PPEF1: variants seen among roughly 807,000 people sequenced by gnomAD.
PPEF1 encodes protein phosphatase with EF-hand domain 1.
In PPEF1, 12 loss-of-function variants were observed where a neutral mutation model predicts 53.3. The ratio of observed to expected loss-of-function variants is 0.23; its 90% CI spans 0.14 to 0.36. PPEF1 has a LOEUF of 0.36. Among genes scored for constraint, PPEF1 ranks in the 10% least tolerant of loss-of-function variants. PPEF1 has a pLI of 1.00. For synonymous variants in PPEF1, 165 were observed against 176.7 expected, an observed-to-expected ratio of 0.93 and a Z score of 0.52; for missense variants, 334 against 490.4, an observed-to-expected ratio of 0.68 and a Z score of 3.01.
chrX:18,787,483 A>C lies in PPEF1; in HGVS notation c.913-1638A>C, dbSNP rs191827715. On this transcript the variant is annotated intron_variant, in intron 9 of 15. Coordinates refer to ENST00000470157, the MANE Select transcript of PPEF1 (RefSeq NM_001377996.1). ...GCAAGGCATTTGCAGAAAGATGGCT[A>C]CTAGACTCCCTGGGGGAAAATGGTC... 2.7e-5 allele frequency among the ~76,000 whole-genome samples: 3 copies of C among 111,585 alleles called. No homozygotes were observed. In the East Asian group the frequency reaches 8.5e-4, roughly 32 times the overall value.
intron 8 of PPEF1, 79 bp from the exon 9 acceptor site, chrX:18,783,820 C>T (rs1201489095): frequency 3.0e-6 from 3 of 989,449 alleles, no homozygotes; most frequent in Non-Finnish European, 4.1e-6. Context: ...AAAATCATTA[C>T]TTTTTGTCCA....
intron 1 of PPEF1, among the ~76,000 whole-genome samples, chrX:18,710,033 T>G (rs867038542): frequency 2.7e-5 from 3 of 111,992 alleles, no homozygotes; most frequent in South Asian, 7.5e-4. Context: ...GTCTGTCCTT[T>G]TGATTTTAGT....
intron 1 of PPEF1, among the ~76,000 whole-genome samples, chrX:18,724,262 C>T (rs998859690): frequency 3.6e-5 from 4 of 111,673 alleles, no homozygotes; most frequent in Admixed American, 9.5e-5. Context: ...AAAATAGGGA[C>T]AGTCACACTT....
chrX:18,719,372 G>A (rs181024713), intron 1 of PPEF1, among the ~76,000 whole-genome samples: 107 of 104,064 alleles, frequency 1.0e-3, no homozygotes, highest in African/African-American at 3.5e-3. Context: ...TTTGACACAG[G>A]GTCTCACTCT....
chrX:18,788,052 C>T lies in PPEF1; in HGVS notation c.913-1069C>T, dbSNP rs779891823. 6.6e-3 allele frequency among the ~76,000 whole-genome samples: 738 copies of T among 111,993 alleles called. 4 individuals are homozygous for T. Among genetic ancestry groups the T allele is most frequent in the African/African-American group, 0.023 (699 of 30,877 alleles). On this transcript the variant is annotated intron_variant, in intron 9 of 15. Coordinates refer to ENST00000470157, the MANE Select transcript of PPEF1 (RefSeq NM_001377996.1). The stretch of plus-strand genomic sequence containing the variant: ...AAGTGCTTGGCCGGGTGCAGTGGCT[C>T]ACGCCTGTAATCCGAGCACTTTGGG...
Position 18,785,435 on chromosome X carries a change from T to C in PPEF1, c.912+1387T>C, listed in dbSNP as rs764517360. ...AAGCAGGGTAAACCTAAGACAAAACTGAATAGAAAGTTTTTTACAGCCCTC... is the reference window on the plus strand; with the variant it reads ...AAGCAGGGTAAACCTAAGACAAAACCGAATAGAAAGTTTTTTACAGCCCTC... On this transcript the variant is annotated intron_variant, in intron 9 of 15. Coordinates refer to ENST00000470157, the MANE Select transcript of PPEF1 (RefSeq NM_001377996.1). 1.4e-3 allele frequency among the ~76,000 whole-genome samples: 156 copies of C among 111,414 alleles called. 1 individual carries two copies. The highest frequency in any genetic ancestry group is 1.6e-3 in the Non-Finnish European group (86 of 53,025).
intron 1 of PPEF1, among the ~76,000 whole-genome samples, chrX:18,719,046 T>C (rs1252773146): frequency 1.7e-4 from 19 of 112,369 alleles, no homozygotes; most frequent in African/African-American, 5.8e-4. Context: ...AATTATTGAA[T>C]AGAACACATT....
chrX:18,685,170 A>G (rs1417646550), intron 2 of PPEF1, among the ~76,000 whole-genome samples: 1 of 112,387 alleles, frequency 8.9e-6, no homozygotes, highest in Non-Finnish European at 1.9e-5. Context: ...AGCTTTCTGC[A>G]CAGTCTGAGG....
intron 12 of PPEF1, among the ~76,000 whole-genome samples, chrX:18,815,222 C>G (rs1034243563): frequency 1.8e-5 from 2 of 111,508 alleles, no homozygotes; most frequent in African/African-American, 6.5e-5. Context: ...GTGTATAATC[C>G]TTTTTATATG....
chrX:18,745,009 T>A (rs1233992864), intron 3 of PPEF1, among the ~76,000 whole-genome samples: 2 of 100,895 alleles, frequency 2.0e-5, no homozygotes, highest in African/African-American at 3.6e-5. Context: ...CTATATTTTA[T>A]ACATATAAAA....
intron 6 of PPEF1, among the ~76,000 whole-genome samples, chrX:18,775,730 A>G: frequency 9.0e-6 from 1 of 111,662 alleles, no homozygotes; most frequent in Admixed American, 9.5e-5. Flanking sequence ...CTTAGGTACT[A>G]GCTTATTTCC....
At chrX:18,744,958 A>T (rs1254992596) in intron 3 of PPEF1, among the ~76,000 whole-genome samples, 1 of 104,513 alleles carries the variant, frequency 9.6e-6, no homozygotes, top group African/African-American at 3.5e-5. Context: ...TATTCATCTC[A>T]TTGGTGGAGA....
chrX:18,677,248 A>C (rs906680314), intron 1 of PPEF1, among the ~76,000 whole-genome samples: 1 of 111,216 alleles, frequency 9.0e-6, no homozygotes, highest in Non-Finnish European at 1.9e-5. Flanking sequence ...CATGTTGGCC[A>C]GGTTGATCTC....
rs758598548 is a variant in PPEF1 at position 18,824,097 on chromosome X, C to G, written c.1665+11C>G. ...AAACCTGTACAAGAGGCAAGTGAAA[C>G]ATAGCCCCAGCTAAAACCTAGCCAG... On this transcript the variant is annotated intron_variant, in intron 14 of 15. Transcript: ENST00000470157. 5.1e-6 allele frequency: 6 copies of G among 1,176,857 alleles called. No homozygotes were observed. The East Asian group carries it at 1.8e-4, about 36-fold the overall frequency.
chrX:18,827,301 T>C lies in PPEF1; in HGVS notation c.1776T>C (p.Arg592=). The C allele has an allele frequency of 8.3e-7, 1 of 1,208,800 alleles. No individual in the cohort carries two copies. Among genetic ancestry groups the C allele is most frequent in the East Asian group, 3.0e-5 (1 of 33,826 alleles). The change falls in exon 16 of 16, where the codon CGT becomes CGC. Residue 592 remains arginine, a synonymous_variant. Transcript: ENST00000470157. ...HSGLISVEEF[R]AMWKLFSSHY... Reference sequence around the variant, plus strand: ...GCCTGATCTCCGTGGAAGAATTTCGTGCCATGTGGAAACTTTTTAGTTCTC... The same window carrying C: ...GCCTGATCTCCGTGGAAGAATTTCGCGCCATGTGGAAACTTTTTAGTTCTC...
chrX:18,686,928 G>A (rs1280418383), intron 3 of PPEF1, among the ~76,000 whole-genome samples: 1 of 110,822 alleles, frequency 9.0e-6, no homozygotes, highest in East Asian at 2.8e-4. Flanking sequence ...GTGTCACATT[G>A]TCATCCAGGT....
upstream of PPEF1, among the ~76,000 whole-genome samples, chrX:18,680,502 C>T (rs181078431): frequency 0.012 from 1,192 of 97,743 alleles, 11 homozygotes; most frequent in Non-Finnish European, 0.019. Context: ...GATCTCGGTT[C>T]ACTGCAACCT....
At chrX:18,699,207 G>A (rs1929910153) in intron 5 of PPEF1, among the ~76,000 whole-genome samples, 1 of 111,139 alleles carries the variant, frequency 9.0e-6, no homozygotes, top group South Asian at 3.8e-4. Context: ...TCATAATGAG[G>A]CCCTCTGGTG....
At chrX:18,712,287 T>C (rs1420200251) in intron 1 of PPEF1, among the ~76,000 whole-genome samples, 1 of 111,713 alleles carries the variant, frequency 9.0e-6, no homozygotes, top group Non-Finnish European at 1.9e-5. Flanking sequence ...ATCTGATCCA[T>C]GAACATGGGA....
Sources: gnomAD v4.1 joint callset for allele counts (sites outside exome capture counted in the v4.1 genomes callset) on GRCh38, gnomAD v4.1.1 for gene constraint, MANE v1.5 for transcripts, NCBI Gene and HGNC (gene_info 2026-07-23, HGNC 2026-07-21) for gene names.